The following LUC7L2 variants were observed in gnomAD, a reference collection of about 807,000 sequenced individuals.
The protein encoded by LUC7L2 is putative RNA-binding protein Luc7-like 2.
In LUC7L2, 25 loss-of-function variants were observed where a neutral mutation model predicts 52.8. The ratio of observed to expected loss-of-function variants is 0.47; its 90% CI spans 0.34 to 0.66. The LOEUF is 0.66. Among genes scored for constraint, LUC7L2 ranks in the 30% least tolerant of loss-of-function variants. The probability of loss-of-function intolerance (pLI) is 0.01; values close to 1 mark genes in which losing one functional copy is unlikely to be tolerated. For missense variants in LUC7L2, 328 were observed against 497.8 expected, an observed-to-expected ratio of 0.66 and a Z score of 3.25; for synonymous variants, 144 against 160.9, an observed-to-expected ratio of 0.89 and a Z score of 0.80.
intron 2 of LUC7L2, chr7:139,392,572 A>T (rs1010274206): frequency 1.8e-4 from 39 of 222,374 alleles, no homozygotes; most frequent in East Asian, 9.3e-4. Flanking sequence ...AGCATTTTTT[A>T]AAAAATCTAC....
intron 3 of LUC7L2, 136 bp downstream of exon 3, chr7:139,398,833 T>A: frequency 1.5e-6 from 1 of 653,826 alleles, no homozygotes. Context: ...TCAAGTAAGA[T>A]CATGTACTTT....
Position 139,383,478 on chromosome 7 carries a change from C to T in LUC7L2, c.156+7322C>T, listed in dbSNP as rs188214039. Among the ~76,000 whole-genome samples the T allele has an allele frequency of 6.6e-5, 10 of 152,210 alleles. No homozygotes were observed. The East Asian group carries it at 1.7e-3, about 26-fold the overall frequency. ...CCAAGCTGGAGTGTAATGGCGCGATCTCGGCTCACTTCAACCTCTGCCTCC... is the reference window on the plus strand; with the variant it reads ...CCAAGCTGGAGTGTAATGGCGCGATTTCGGCTCACTTCAACCTCTGCCTCC... On this transcript the variant is annotated intron_variant, in intron 2 of 9. Transcript: ENST00000354926.
chr7:139,345,424 T>C (rs1175172924), intron 1 of LUC7L2: 1 of 1,571,978 alleles, frequency 6.4e-7, no homozygotes, highest in African/African-American at 1.4e-5. Flanking sequence ...CTCTAGTGAA[T>C]GCTTATTTAT....
At chr7:139,369,092 A>C (rs1040748660) in intron 1 of LUC7L2, among the ~76,000 whole-genome samples, 9 of 152,098 alleles carry the variant, frequency 5.9e-5, no homozygotes, top group African/African-American at 2.2e-4. Context: ...TTAATAGATA[A>C]ATCAGCCAGT....
intron 2 of LUC7L2, among the ~76,000 whole-genome samples, chr7:139,394,011 C>T (rs929762489): frequency 1.3e-5 from 2 of 152,136 alleles, no homozygotes; most frequent in African/African-American, 2.4e-5. Flanking sequence ...AGGCTATAAA[C>T]TTGCAAGGAC....
intron 1 of LUC7L2, chr7:139,341,346 G>C: frequency 1.3e-6 from 2 of 1,587,176 alleles, no homozygotes; most frequent in Admixed American, 1.7e-5. Flanking sequence ...CAGGGTCGTA[G>C]GACGCCGTTG....
chr7:139,422,118 T>C (rs775960542), intron 9 of LUC7L2, 45 bp from the exon 10 acceptor site: 25 of 1,558,384 alleles, frequency 1.6e-5, no homozygotes, highest in Non-Finnish European at 2.1e-5. Flanking sequence ...ATTTGGGTTT[T>C]TGGGTTTCCC....
chr7:139,422,061 C>T, intron 9 of LUC7L2, 102 bp from the exon 10 acceptor site: 1 of 1,458,906 alleles, frequency 6.9e-7, no homozygotes, highest in African/African-American at 1.4e-5. Context: ...GTATATTCGT[C>T]TATATATCTT....
At chr7:139,374,396 T>C (rs1277516902) in intron 1 of LUC7L2, 2 of 1,550,200 alleles carry the variant, frequency 1.3e-6, no homozygotes, top group South Asian at 1.2e-5. Flanking sequence ...GTTTTATTTG[T>C]AAAGGTTCAA....
Position 139,408,493 on chromosome 7 carries a change from A to G in LUC7L2, c.688-1070A>G, listed in dbSNP as rs73732760. ...GTTTTTTTAAAAAATACAAAATAAT[A>G]CTAGAAAACATTTAGAGGAGGAAAA... On this transcript the variant is annotated intron_variant, in intron 6 of 9. Transcript: ENST00000354926. 6.6e-3 allele frequency among the ~76,000 whole-genome samples: 999 copies of G among 152,314 alleles called. 10 individuals carry two copies. The highest frequency in any genetic ancestry group is 0.023 in the African/African-American group (949 of 41,556).
intron 1 of LUC7L2, chr7:139,340,584 C>G (rs1798884956): frequency 2.5e-6 from 1 of 397,476 alleles, no homozygotes; most frequent in South Asian, 1.4e-4. Context: ...TACGTCACCC[C>G]TCACGTGGGC....
chr7:139,408,601 T>C (rs554264186), intron 6 of LUC7L2, among the ~76,000 whole-genome samples: 4 of 152,280 alleles, frequency 2.6e-5, no homozygotes, highest in South Asian at 4.1e-4. Context: ...CCTAGCACTT[T>C]GGGAGGCCAA....
chr7:139,399,322 G>A (rs1794792875), intron 3 of LUC7L2, among the ~76,000 whole-genome samples: 1 of 151,888 alleles, frequency 6.6e-6, no homozygotes, highest in African/African-American at 2.4e-5. Flanking sequence ...GATGTGTACT[G>A]GGAGATTATA....
intron 2 of LUC7L2, among the ~76,000 whole-genome samples, chr7:139,384,876 C>G (rs1249249975): frequency 6.6e-6 from 1 of 152,148 alleles, no homozygotes; most frequent in Non-Finnish European, 1.5e-5. Flanking sequence ...CCAACTCAGC[C>G]TCCTAAGTAG....
At chr7:139,371,253 T>C in intron 1 of LUC7L2, 1 of 614,696 alleles carries the variant, frequency 1.6e-6, no homozygotes, top group Non-Finnish European at 2.9e-6. Context: ...TGATTGTTTT[T>C]GTAAATTGCT....
intron 2 of LUC7L2, among the ~76,000 whole-genome samples, chr7:139,381,352 ATATTT>A (rs146531298): frequency 3.9e-4 from 56 of 144,906 alleles, no homozygotes; most frequent in East Asian, 3.5e-3. Flanking sequence ...CAAATTTTAC[ATATTT>A]TATTTTATTT....
chr7:139,410,605 C>T (rs1040483143), intron 7 of LUC7L2, among the ~76,000 whole-genome samples: 3 of 152,140 alleles, frequency 2.0e-5, no homozygotes, highest in Admixed American at 6.5e-5. Context: ...ACTTCAGCAG[C>T]TTTAGGATGG....
intron 2 of LUC7L2, among the ~76,000 whole-genome samples, chr7:139,381,374 AT>A (rs61524901): frequency 0.21 from 21,132 of 99,922 alleles, 4,083 homozygotes; most frequent in African/African-American, 0.6. Flanking sequence ...ATTTTATTTT[AT>A]TTTTATTTTA....
rs112880349 is a variant in LUC7L2, at chr7:139,417,763, C to T, written c.1001+34C>T. 351 of 1,591,136 alleles carry T rather than the reference C, an allele frequency of 2.2e-4. 1 individual carries two copies. The African/African-American group carries it at 3.3e-3, about 15-fold the overall frequency. On this transcript the variant is annotated intron_variant, in intron 9 of 9. Coordinates refer to ENST00000354926, the MANE Select transcript of LUC7L2 (RefSeq NM_016019.5). Reference sequence around the variant, plus strand: ...GTGTCAATCAGAGGATATGGAGCTACCTTAATGTTTTAGAGTTGTTTATGT... The same window carrying T: ...GTGTCAATCAGAGGATATGGAGCTATCTTAATGTTTTAGAGTTGTTTATGT...
Sources: gnomAD v4.1 joint callset for allele counts (sites outside exome capture counted in the v4.1 genomes callset) on GRCh38, gnomAD v4.1.1 for gene constraint, MANE v1.5 for transcripts, NCBI Gene and HGNC (gene_info 2026-07-23, HGNC 2026-07-21) for gene names.